The following PTPRD variants were observed in gnomAD, a reference collection of about 807,000 sequenced individuals.
PTPRD encodes protein tyrosine phosphatase receptor type D.
Under a neutral mutation model 214.5 loss-of-function variants are expected in PTPRD, and 34 were observed. The observed-to-expected ratio is 0.16, with a 90% confidence interval of 0.12 to 0.21. The LOEUF (loss-of-function observed/expected upper bound fraction) is 0.21. PTPRD is among the 10% of genes least tolerant of loss of function. The pLI, the probability that PTPRD is intolerant of heterozygous loss-of-function variation, is 1.00. For missense variants in PTPRD, 2,545 were observed against 2,398.7 expected (o/e 1.06, Z -1.27); for synonymous variants, 1,128 against 845.7 (o/e 1.33, Z -5.79).
At chr9:9,253,240 T>C (rs1481861351) in intron 9 of PTPRD, among the ~76,000 whole-genome samples, 1 of 152,040 alleles carries the variant, frequency 6.6e-6, no homozygotes, top group African/African-American at 2.4e-5. Context: ...GATATCTATT[T>C]TTTTGGCTAA....
intron 2 of PTPRD, among the ~76,000 whole-genome samples, chr9:10,487,966 G>GCCTCTCTCTC (rs2099143453): frequency 9.1e-6 from 1 of 110,270 alleles, no homozygotes; most frequent in Non-Finnish European, 1.8e-5. Flanking sequence ...AATGAACACA[G>GCCTCTCTCTC]TCTCTCTCTC....
At chr9:9,537,238 A>AT (rs570205030) in intron 8 of PTPRD, among the ~76,000 whole-genome samples, 172 of 151,780 alleles carry the variant, frequency 1.1e-3, no homozygotes, top group Admixed American at 6.6e-3. Context: ...GATTCTTTTC[A>AT]TTTTTTTTAT....
intron 14 of PTPRD, among the ~76,000 whole-genome samples, chr9:8,532,913 A>T (rs1397623611): frequency 1.3e-5 from 2 of 152,070 alleles, no homozygotes; most frequent in African/African-American, 4.8e-5. Flanking sequence ...AAAGAGAAAA[A>T]TGAATGTAAG....
chr9:10,444,589 C>G (rs1404922747), intron 2 of PTPRD, among the ~76,000 whole-genome samples: 1 of 151,542 alleles, frequency 6.6e-6, no homozygotes, highest in African/African-American at 2.4e-5. Context: ...AAGATACATG[C>G]CTACTATGAC....
chr9:10,608,738 A>G (rs1044042966), intron 2 of PTPRD, among the ~76,000 whole-genome samples: 4 of 152,148 alleles, frequency 2.6e-5, no homozygotes, highest in Non-Finnish European at 5.9e-5. Context: ...TACTACAATC[A>G]CATCAGTGTT....
At chr9:8,457,731 G>A (rs2096257829) in intron 33 of PTPRD, among the ~76,000 whole-genome samples, 1 of 152,004 alleles carries the variant, frequency 6.6e-6, no homozygotes, top group African/African-American at 2.4e-5. Flanking sequence ...AGTCAACAAC[G>A]TTTTATTCTC....
chr9:10,125,541 G>A (rs932675345), intron 3 of PTPRD, among the ~76,000 whole-genome samples: 74 of 150,132 alleles, frequency 4.9e-4, no homozygotes, highest in African/African-American at 1.8e-3. Flanking sequence ...TGCAAGCTCT[G>A]CCTCCCAGGT....
At chr9:9,520,738 A>C (rs1276789137) in intron 8 of PTPRD, among the ~76,000 whole-genome samples, 1 of 152,196 alleles carries the variant, frequency 6.6e-6, no homozygotes, top group African/African-American at 2.4e-5. Context: ...TCTCATTTTA[A>C]TTGAATGCCA....
rs148122893 is a variant in PTPRD, at chr9:9,657,659, T to C, written c.-287+76874A>G. Among the ~76,000 whole-genome samples, 806 of 152,304 alleles carry C rather than the reference T, an allele frequency of 5.3e-3. 9 individuals are homozygous for C. Among genetic ancestry groups the C allele is most frequent in the African/African-American group, 0.019 (775 of 41,576 alleles). ...GAAAATAATCATGGCTAAATGTTGT[T>C]TATGACCGAATCTTTGTTTTTATTA... On this transcript the variant is annotated intron_variant, in intron 7 of 45. Coordinates refer to ENST00000381196, the MANE Select transcript of PTPRD (RefSeq NM_002839.4).
chr9:9,109,090 T>C (rs182069923), intron 10 of PTPRD, among the ~76,000 whole-genome samples: 39 of 152,232 alleles, frequency 2.6e-4, no homozygotes, highest in Admixed American at 2.2e-3. Context: ...TTTTGATGAG[T>C]TCCTTCCTTA....
At chr9:8,649,925 G>GT (rs1250713200) in intron 12 of PTPRD, among the ~76,000 whole-genome samples, 3 of 151,820 alleles carry the variant, frequency 2.0e-5, no homozygotes, top group African/African-American at 4.8e-5. Flanking sequence ...GTTTTAATTT[G>GT]TTTTTTTGTT....
At chr9:9,518,684 A>C (rs948711226) in intron 8 of PTPRD, among the ~76,000 whole-genome samples, 6 of 152,046 alleles carry the variant, frequency 3.9e-5, no homozygotes, top group African/African-American at 1.4e-4. Context: ...TTTAAATTAA[A>C]TATGACAGAA....
At position 8,733,656 on chromosome 9, in the gene PTPRD, T is replaced by C. The variant is rs2098685773; in HGVS notation, c.64+124A>G. ...AAGGCTGGCTGGTAGCCAAGGAGGA[T>C]CCCGCAGTGTCTCAGGATTTACTTC... On this transcript the variant is annotated intron_variant, in intron 12 of 45. Transcript: ENST00000381196. The C allele has an allele frequency of 6.2e-6, 6 of 966,890 alleles. No homozygotes were observed. The Admixed American group carries it at 1.3e-4, about 20-fold the overall frequency. 59.9% of individuals were successfully genotyped at this position (966,890 alleles called of 1,614,324 possible).
chr9:10,125,423 T>TTTTTTATTA lies in PTPRD; in HGVS notation c.-544-91634_-544-91633insTAATAAAAA, dbSNP rs1242346104. 3.0e-3 allele frequency among the ~76,000 whole-genome samples: 399 copies of TTTTTTATTA among 133,526 alleles called. 3 individuals are homozygous for TTTTTTATTA. The highest frequency in any genetic ancestry group is 0.01 in the African/African-American group (379 of 36,150). 87.6% of individuals were successfully genotyped at this position (133,526 alleles called of 152,430 possible). Reference sequence around the variant, plus strand: ...TTTATTTTTATTTATTTTGTTTTATTTTATTATTATTATTATTATTATTAT... The same window carrying TTTTTTATTA: ...TTTATTTTTATTTATTTTGTTTTATTTTTTTATTATTATTATTATTATTATTATTATTAT... On this transcript the variant is annotated intron_variant, in intron 3 of 45. Coordinates refer to ENST00000381196, the MANE Select transcript of PTPRD (RefSeq NM_002839.4).
intron 10 of PTPRD, among the ~76,000 whole-genome samples, chr9:9,182,446 A>T (rs186400908): frequency 6.6e-6 from 1 of 152,034 alleles, no homozygotes; most frequent in Admixed American, 6.6e-5. Context: ...GTATTTAGAA[A>T]CATTGATTTT....
At chr9:8,401,312 G>A (rs531652605) in intron 36 of PTPRD, among the ~76,000 whole-genome samples, 2 of 151,932 alleles carry the variant, frequency 1.3e-5, no homozygotes, top group East Asian at 3.9e-4. Flanking sequence ...CTACAGGCAC[G>A]TACCATCATA....
chr9:9,583,794 AGT>A (rs1454043307), intron 7 of PTPRD, among the ~76,000 whole-genome samples: 3 of 152,032 alleles, frequency 2.0e-5, no homozygotes, highest in Non-Finnish European at 4.4e-5. Flanking sequence ...TTGGAGACTC[AGT>A]CTTATAGTTG....
At chr9:9,753,208 G>A (rs2098538679) in intron 6 of PTPRD, among the ~76,000 whole-genome samples, 1 of 151,942 alleles carries the variant, frequency 6.6e-6, no homozygotes, top group Admixed American at 6.6e-5. Flanking sequence ...TAATTGAGGG[G>A]CCCAGTACAG....
chr9:8,976,599 G>C (rs1487039625), intron 11 of PTPRD, among the ~76,000 whole-genome samples: 2 of 152,128 alleles, frequency 1.3e-5, no homozygotes, highest in Non-Finnish European at 2.9e-5. Flanking sequence ...AAGATTGTCA[G>C]TGTAAAGAAA....
Sources: gnomAD v4.1 joint callset for allele counts (sites outside exome capture counted in the v4.1 genomes callset) on GRCh38, gnomAD v4.1.1 for gene constraint, MANE v1.5 for transcripts, NCBI Gene and HGNC (gene_info 2026-07-23, HGNC 2026-07-21) for gene names.